SPECC1: variants seen among roughly 807,000 people sequenced by gnomAD.
The protein encoded by SPECC1 is sperm antigen with calponin homology and coiled-coil domains 1, also known as cytospin-B.
In SPECC1, 62 loss-of-function variants were observed where a neutral mutation model predicts 104.1. The ratio of observed to expected loss-of-function variants is 0.60; its 90% CI spans 0.49 to 0.74. The LOEUF is 0.74. SPECC1 is among the 30% of genes least tolerant of loss of function. SPECC1 has a pLI of 0.00. For missense variants in SPECC1, 1,306 were observed against 1,310.5 expected (o/e 1.00, Z 0.05); for synonymous variants, 513 against 501.6 (o/e 1.02, Z -0.30).
chr17:20,294,560 A>G (rs1263403398), intron 12 of SPECC1, among the ~76,000 whole-genome samples: 2 of 152,090 alleles, frequency 1.3e-5, no homozygotes, highest in African/African-American at 2.4e-5. Context: ...GGGGTTATAC[A>G]GAGATGGTGA....
At chr17:20,217,921 C>T (rs2037607877) in intron 4 of SPECC1, among the ~76,000 whole-genome samples, 1 of 151,950 alleles carries the variant, frequency 6.6e-6, no homozygotes. Context: ...AGTCCTGGCT[C>T]TGAGGGAGGC....
chr17:20,041,225 T>G (rs1268490257), intron 1 of SPECC1, among the ~76,000 whole-genome samples: 1 of 152,184 alleles, frequency 6.6e-6, no homozygotes, highest in East Asian at 1.9e-4. Flanking sequence ...ATTCTAAAAT[T>G]TCCATTAAAA....
chr17:20,242,506 T>C (rs766108662), intron 7 of SPECC1, among the ~76,000 whole-genome samples: 1 of 152,152 alleles, frequency 6.6e-6, no homozygotes, highest in Non-Finnish European at 1.5e-5. Context: ...TGTTCTCTAG[T>C]ATCTGGCCTG....
chr17:20,295,191 C>T (rs2041307810), intron 12 of SPECC1, among the ~76,000 whole-genome samples: 1 of 118,818 alleles, frequency 8.4e-6, no homozygotes, highest in African/African-American at 3.2e-5. Flanking sequence ...CCATGACAGG[C>T]CCCGGTGTGT....
chr17:20,268,068 G>A (rs947122807), intron 12 of SPECC1, among the ~76,000 whole-genome samples: 4 of 152,088 alleles, frequency 2.6e-5, no homozygotes, highest in African/African-American at 9.7e-5. Flanking sequence ...ATATATACCG[G>A]TATTTACTGT....
At chr17:20,147,791 T>C (rs2031607364) in intron 3 of SPECC1, among the ~76,000 whole-genome samples, 1 of 152,192 alleles carries the variant, frequency 6.6e-6, no homozygotes, top group Non-Finnish European at 1.5e-5. Context: ...ATCCCAACAC[T>C]TCAGGAGGCC....
intron 3 of SPECC1, chr17:20,156,383 C>T: frequency 3.1e-6 from 3 of 970,112 alleles, no homozygotes; most frequent in Admixed American, 4.3e-5. Flanking sequence ...TTGGAATGCG[C>T]CGCTTGGGAT....
At chr17:20,176,716 C>T (rs1239736263) in intron 3 of SPECC1, among the ~76,000 whole-genome samples, 1 of 152,108 alleles carries the variant, frequency 6.6e-6, no homozygotes, top group Non-Finnish European at 1.5e-5. Context: ...ATTGCTTCAA[C>T]CTCTTGGGCT....
rs1477806099 is a variant in SPECC1, at chr17:20,318,128, C to G, written c.*4063C>G. On this transcript the variant is annotated 3_prime_UTR_variant, in exon 15 of 15. Coordinates refer to ENST00000395527, the MANE Select transcript of SPECC1 (RefSeq NM_001243439.2). ...CCTCAGCCAGTAGTCATTTAAAATT[C>G]TTCAGTTGTTCTGAAGATCCTTTTT... 1.3e-5 allele frequency: 3 copies of G among 231,342 alleles called. No individual in the cohort carries two copies. The highest frequency in any genetic ancestry group is 2.6e-5 in the Non-Finnish European group (3 of 116,968). The allele number at this position is 231,342 out of a possible 1,614,324, so 14.3% of individuals were successfully genotyped here. A position where few individuals can be genotyped will look rare whatever the true frequency, so the allele number is the denominator to read the frequency against.
intron 13 of SPECC1, among the ~76,000 whole-genome samples, chr17:20,300,570 G>A (rs2041541351): frequency 6.6e-6 from 1 of 152,242 alleles, no homozygotes; most frequent in Admixed American, 6.5e-5. Context: ...CAGCATGGCT[G>A]TATTGGAAAA....
At chr17:20,198,154 A>T (rs760637516) in intron 3 of SPECC1, among the ~76,000 whole-genome samples, 2 of 152,204 alleles carry the variant, frequency 1.3e-5, no homozygotes, top group Non-Finnish European at 2.9e-5. Flanking sequence ...ATGTGATAAG[A>T]CATAGACATT....
Position 20,009,957 on chromosome 17 carries a change from G to A in SPECC1, c.-22+533G>A, listed in dbSNP as rs2043878676. The A allele has an allele frequency of 6.6e-6, 1 of 152,360 alleles. No individual in the cohort carries two copies. Among genetic ancestry groups the A allele is most frequent in the Admixed American group, 6.5e-5 (1 of 15,276 alleles). 9.4% of individuals were successfully genotyped at this position (152,360 alleles called of 1,614,324 possible). A position where few individuals can be genotyped will look rare whatever the true frequency, so the allele number is the denominator to read the frequency against. On this transcript the variant is annotated intron_variant, in intron 1 of 14. Transcript: ENST00000395527. This position sits in a 1 kb window ranked among gnomAD's most constrained non-coding sequence, Gnocchi z 5.2. ...CGCGCTCCCGCCCCTTCCTGGCCGGGGTGACAGGGGAAGGGCTAGGGCTGC... is the reference window on the plus strand; with the variant it reads ...CGCGCTCCCGCCCCTTCCTGGCCGGAGTGACAGGGGAAGGGCTAGGGCTGC...
intron 3 of SPECC1, among the ~76,000 whole-genome samples, chr17:20,134,470 G>GA (rs958449133): frequency 2.3e-4 from 35 of 151,314 alleles, no homozygotes; most frequent in African/African-American, 7.8e-4. Flanking sequence ...CCTGGGAAGG[G>GA]AAAAAAAATT....
intron 14 of SPECC1, among the ~76,000 whole-genome samples, chr17:20,308,096 TAAC>T (rs2041822893): frequency 6.6e-6 from 1 of 152,014 alleles, no homozygotes; most frequent in African/African-American, 2.4e-5. Context: ...AAAAATGAGA[TAAC>T]AATTCCAGCT....
intron 3 of SPECC1, among the ~76,000 whole-genome samples, chr17:20,180,040 T>C (rs2151221504): frequency 6.6e-6 from 1 of 152,188 alleles, no homozygotes; most frequent in African/African-American, 2.4e-5. Flanking sequence ...GGGGGCATGG[T>C]TATTTAGTTT....
rs1047209230 is a variant in SPECC1, at chr17:20,224,926, A to G, written c.1864-2487A>G. 5.9e-5 allele frequency among the ~76,000 whole-genome samples: 9 copies of G among 152,258 alleles called. No individual in the cohort carries two copies. In the East Asian group the frequency reaches 1.4e-3, roughly 23 times the overall value. ...ACTGGGTCACACCTGAAGCCGGTAC[A>G]GTGTGTGGCCCATGATGAGTACTGT... On this transcript the variant is annotated intron_variant, in intron 4 of 14. Transcript: ENST00000395527.
In SPECC1 at chr17:20,013,547, G is replaced by T. The variant is rs117380537; in HGVS notation, c.-22+4123G>T. 1.0e-3 allele frequency among the ~76,000 whole-genome samples: 153 copies of T among 152,184 alleles called. 1 individual carries two copies. Among genetic ancestry groups the T allele is most frequent in the South Asian group, 1.9e-3 (9 of 4,818 alleles). ...GACGGAGTCTTGCTCTATCGTCCAG[G>T]CTGGAGTGCAGTGGCACGATCTCCG... On this transcript the variant is annotated intron_variant, in intron 1 of 14. Transcript: ENST00000395527.
At chr17:20,289,726 C>T (rs1598149299) in intron 12 of SPECC1, among the ~76,000 whole-genome samples, 2 of 152,312 alleles carry the variant, frequency 1.3e-5, no homozygotes, top group Admixed American at 1.3e-4. Flanking sequence ...GCTGGTGCTC[C>T]TGATGCTCAG....
At position 20,182,315 on chromosome 17, in the gene SPECC1, C is replaced by T. The variant is rs527385275; in HGVS notation, c.284-22018C>T. The stretch of plus-strand genomic sequence containing the variant: ...ATTTTTAGTAGAGACAAGGTTTTGC[C>T]GTGTTGCTCAGGCTAGCAGCAAACT... On this transcript the variant is annotated intron_variant, in intron 3 of 14. Transcript: ENST00000395527. Among the ~76,000 whole-genome samples the T allele has an allele frequency of 2.1e-4, 32 of 152,018 alleles. No homozygotes were observed. In the East Asian group the frequency reaches 4.5e-3, roughly 21 times the overall value.
Sources: gnomAD v4.1 joint callset for allele counts (sites outside exome capture counted in the v4.1 genomes callset) on GRCh38, gnomAD v4.1.1 for gene constraint, Gnocchi (gnomAD v3.1) non-coding constraint, MANE v1.5 for transcripts, NCBI Gene and HGNC (gene_info 2026-07-23, HGNC 2026-07-21) for gene names.